Variants in SLC44A2 observed in about 807,000 individuals in gnomAD.
SLC44A2 encodes the protein solute carrier family 44 member 2 (CTL2 blood group).
A neutral mutation model predicts 90.8 loss-of-function variants in SLC44A2; 57 were observed. That is an observed-to-expected ratio of 0.63 (90% CI 0.51 to 0.78). The LOEUF is 0.78. Ranked by LOEUF, SLC44A2 falls within the 30% of genes least tolerant of loss-of-function variation. The pLI is 0.00. For synonymous variants in SLC44A2, 355 were observed against 360.7 expected (o/e 0.98, Z 0.18); for missense variants, 794 against 919.7 (o/e 0.86, Z 1.77).
intron 20 of SLC44A2, among the ~76,000 whole-genome samples, chr19:10,642,156 C>CA (rs373634246): frequency 0.011 from 833 of 74,338 alleles, 8 homozygotes; most frequent in African/African-American, 0.03. Context: ...GATTCCGTCT[C>CA]AAAAAAAAAA....
At chr19:10,621,721 C>T (rs1470705144), upstream of SLC44A2, among the ~76,000 whole-genome samples, 1 of 152,052 alleles carries the variant, frequency 6.6e-6, no homozygotes, top group African/African-American at 2.4e-5. Flanking sequence ...CAGGTTCAAG[C>T]GATTCTCGTG....
In SLC44A2 at chr19:10,638,215, C is replaced by T; in HGVS notation, c.1841-12C>T. On this transcript the variant is annotated splice_polypyrimidine_tract_variant and intron_variant, in intron 19 of 21. Coordinates refer to ENST00000335757, the MANE Select transcript of SLC44A2 (RefSeq NM_020428.4). ...GAACCCTTCGCCATCTTGCTTTCTT[C>T]TCCTTCTCCAGGGATCCTGGCTTTC... is the stretch of plus-strand genomic sequence containing the variant. 4 of 1,614,026 alleles carry T rather than the reference C, an allele frequency of 2.5e-6. No homozygotes were observed. Among genetic ancestry groups the T allele is most frequent in the Non-Finnish European group, 2.5e-6 (3 of 1,179,918 alleles).
At position 10,631,157 on chromosome 19, in the gene SLC44A2, C is replaced by T. The variant is rs1568450024; in HGVS notation, c.330+16C>T. 1.9e-6 allele frequency: 3 copies of T among 1,612,066 alleles called. No homozygotes were observed. Among genetic ancestry groups the T allele is most frequent in the Non-Finnish European group, 2.5e-6 (3 of 1,178,248 alleles). ...CACTCCCCAGGTAACCTGGTCCCCA[C>T]CGTTCCCTTTTTCCTCTCCCCGCTT... On this transcript the variant is annotated intron_variant, in intron 5 of 21. Coordinates refer to ENST00000335757, the MANE Select transcript of SLC44A2 (RefSeq NM_020428.4).
At chr19:10,623,048 G>A (rs1213715560), upstream of SLC44A2, among the ~76,000 whole-genome samples, 1 of 152,124 alleles carries the variant, frequency 6.6e-6, no homozygotes, top group Non-Finnish European at 1.5e-5. Flanking sequence ...GGAGCTGGTG[G>A]GTGGGGCCTG....
At chr19:10,632,226 T>G in intron 10 of SLC44A2, 70 bp downstream of exon 10, 1 of 1,423,204 alleles carries the variant, frequency 7.0e-7, no homozygotes, top group Non-Finnish European at 9.9e-7. Flanking sequence ...CCCGTGGAAA[T>G]GGCCCATCAG....
At chr19:10,633,962 A>C (rs2067023704) in intron 10 of SLC44A2, among the ~76,000 whole-genome samples, 3 of 109,128 alleles carry the variant, frequency 2.7e-5, no homozygotes, top group African/African-American at 1.2e-4. Flanking sequence ...ACATGTAGAA[A>C]CCCCATCTCT....
At chr19:10,637,536 G>A in intron 16 of SLC44A2, 108 bp from the exon 17 acceptor site, 2 of 982,968 alleles carry the variant, frequency 2.0e-6, no homozygotes, top group South Asian at 1.4e-5. Context: ...TGACAGCGTG[G>A]ACTCAGGAGA....
rs758963442 is a variant in SLC44A2, at chr19:10,634,801, C to T, written c.869C>T (p.Ala290Val). 6.2e-7 allele frequency: 1 copy of T among 1,614,028 alleles called. No individual in the cohort carries two copies. The highest frequency in any genetic ancestry group is 1.3e-5 in the African/African-American group (1 of 74,918). Residue 290 changes from alanine (A) to valine (V), a missense_variant, in exon 11 of 22, where the codon GCC becomes GTC. Around this residue, in one of 3 missense-constraint regions of SLC44A2, gnomAD observed 738 missense variants for 841.1 expected, o/e 0.88. Transcript: ENST00000335757. ...GAGTACTCCCGACTGCGTGGTGAGG[C>T]CGGCTCTGATGTCTCTTTGGTGGAC... ...YMEYSRLRGE[A>V]GSDVSLVDLG...
chr19:10,603,877 G>A (rs1268812533), intron 1 of SLC44A2, among the ~76,000 whole-genome samples: 1 of 152,196 alleles, frequency 6.6e-6, no homozygotes, highest in Non-Finnish European at 1.5e-5. Context: ...GGGTCTCTAT[G>A]AAGTTTGGCT....
intron 1 of SLC44A2, among the ~76,000 whole-genome samples, chr19:10,619,400 C>G (rs1334167557): frequency 6.7e-6 from 1 of 148,696 alleles, no homozygotes. Context: ...TGTACTCCAG[C>G]CTGGGCAATA....
At chr19:10,609,160 A>G (rs144258165) in intron 1 of SLC44A2, among the ~76,000 whole-genome samples, 158 of 150,330 alleles carry the variant, frequency 1.1e-3, no homozygotes, top group African/African-American at 3.5e-3. Context: ...GTTTCACCAT[A>G]TTGGCCAGGC....
At chr19:10,631,809 C>T in intron 8 of SLC44A2, 59 bp from the exon 9 acceptor site, 2 of 1,614,102 alleles carry the variant, frequency 1.2e-6, no homozygotes, top group Non-Finnish European at 8.5e-7. Flanking sequence ...AGGCAATCCC[C>T]TGTGGTTGGC....
Position 10,630,753 on chromosome 19 carries a change from C to T in SLC44A2, c.246-304C>T, listed in dbSNP as rs2066985024. Among the ~76,000 whole-genome samples, 2 of 151,390 alleles carry T rather than the reference C, an allele frequency of 1.3e-5. 1 individual carries two copies. Among genetic ancestry groups the T allele is most frequent in the South Asian group, 4.2e-4 (2 of 4,788 alleles). The stretch of plus-strand genomic sequence containing the variant: ...GTGTGGTGGCTTACACCTGTAATAC[C>T]AACACTTTGGGAGGCCAAGGCAGGC... On this transcript the variant is annotated intron_variant, in intron 4 of 21. Coordinates refer to ENST00000335757, the MANE Select transcript of SLC44A2 (RefSeq NM_020428.4).
In SLC44A2 at chr19:10,625,567, G is replaced by A; in HGVS notation, c.-67G>A. 9 of 1,234,248 alleles carry A rather than the reference G, an allele frequency of 7.3e-6. No individual in the cohort carries two copies. Among genetic ancestry groups the A allele is most frequent in the Non-Finnish European group, 9.1e-6 (9 of 987,424 alleles). 76.5% of individuals were successfully genotyped at this position (1,234,248 alleles called of 1,614,324 possible). A position where few individuals can be genotyped will look rare whatever the true frequency, so the allele number is the denominator to read the frequency against. ...GTCGCGCGGTCAGTGCCTCCCTCCAGACTCGGGAGGGTCGAGGGGGCGCGG... is the reference window on the plus strand; with the variant it reads ...GTCGCGCGGTCAGTGCCTCCCTCCAAACTCGGGAGGGTCGAGGGGGCGCGG... On this transcript the variant is annotated 5_prime_UTR_variant, in exon 1 of 22. Transcript: ENST00000335757.
At chr19:10,630,015 A>G (rs1390584816) in intron 4 of SLC44A2, among the ~76,000 whole-genome samples, 2 of 152,126 alleles carry the variant, frequency 1.3e-5, no homozygotes, top group Non-Finnish European at 2.9e-5. Context: ...TTGGCCTCCA[A>G]AAGTGCTGGG....
chr19:10,635,949 T>G, intron 14 of SLC44A2: 1 of 254,282 alleles, frequency 3.9e-6, no homozygotes, highest in Admixed American at 5.2e-5. Flanking sequence ...AGGCTAATTT[T>G]TGTATTTTTA....
In SLC44A2 at chr19:10,631,459, C is replaced by T; in HGVS notation, c.442-16C>T. 1 of 1,614,140 alleles carries T rather than the reference C, an allele frequency of 6.2e-7. No individual in the cohort carries two copies. Among genetic ancestry groups the T allele is most frequent in the Non-Finnish European group, 8.5e-7 (1 of 1,180,026 alleles). ...ACTAGACTTGGGGACTCACCTCCCT[C>T]CATCTCTCTTGGCAGGGAGTGGCTG... On this transcript the variant is annotated splice_polypyrimidine_tract_variant and intron_variant, in intron 6 of 21. Transcript: ENST00000335757.
chr19:10,611,016 A>G (rs1918286925), intron 1 of SLC44A2, among the ~76,000 whole-genome samples: 1 of 151,964 alleles, frequency 6.6e-6, no homozygotes, highest in Non-Finnish European at 1.5e-5. Flanking sequence ...TAATTTAAAA[A>G]AAAATTTTTT....
upstream of SLC44A2, among the ~76,000 whole-genome samples, chr19:10,623,672 C>T (rs1035362945): frequency 3.3e-5 from 5 of 151,452 alleles, no homozygotes; most frequent in Non-Finnish European, 7.4e-5. Flanking sequence ...GAGATCCTGT[C>T]TCTATTTTTA....
Sources: gnomAD v4.1 joint callset for allele counts (sites outside exome capture counted in the v4.1 genomes callset) on GRCh38, gnomAD v4.1.1 for gene constraint, gnomAD v4.1.1 regional missense constraint, MANE v1.5 for transcripts, NCBI Gene and HGNC (gene_info 2026-07-23, HGNC 2026-07-21) for gene names.